The following CCSER2 variants were observed in gnomAD, a reference collection of about 807,000 sequenced individuals.
The protein encoded by CCSER2 is coiled-coil serine rich protein 2.
Under a neutral mutation model 92.3 loss-of-function variants are expected in CCSER2, and 46 were observed. The ratio of observed to expected loss-of-function variants is 0.50; its 90% CI spans 0.39 to 0.64. The LOEUF (loss-of-function observed/expected upper bound fraction) is 0.64, where lower values mean the gene tolerates loss of function less well. CCSER2 is among the 30% of genes least tolerant of loss of function. The probability of loss-of-function intolerance (pLI) is 0.00; values close to 1 mark genes in which losing one functional copy is unlikely to be tolerated. For missense variants in CCSER2, 1,244 were observed against 1,238.9 expected (o/e 1.00, Z -0.06); for synonymous variants, 433 against 431.4 (o/e 1.00, Z -0.04).
intron 6 of CCSER2, among the ~76,000 whole-genome samples, chr10:84,445,450 G>C (rs1288984924): frequency 6.6e-6 from 1 of 152,180 alleles, no homozygotes; most frequent in Non-Finnish European, 1.5e-5. Flanking sequence ...ACCGCACCTG[G>C]CCGGTATCTC....
At chr10:84,364,015 T>G (rs528684584) in intron 1 of CCSER2, among the ~76,000 whole-genome samples, 2 of 152,124 alleles carry the variant, frequency 1.3e-5, no homozygotes, top group African/African-American at 2.4e-5. Flanking sequence ...TGTAACACAA[T>G]GGTAAGGAAT....
At chr10:84,391,086 G>A (rs1452773543) in intron 3 of CCSER2, 2 of 780,022 alleles carry the variant, frequency 2.6e-6, no homozygotes, top group East Asian at 2.4e-5. Context: ...AGATGCTAAT[G>A]CCTCCACTGA....
intron 3 of CCSER2, among the ~76,000 whole-genome samples, chr10:84,386,266 A>G (rs7093846): frequency 0.21 from 31,914 of 152,236 alleles, 3,603 homozygotes; most frequent in Admixed American, 0.34. Context: ...AGAAGTTATT[A>G]TATCAAAATG....
intron 3 of CCSER2, among the ~76,000 whole-genome samples, chr10:84,405,115 G>T (rs1450184345): frequency 6.6e-6 from 1 of 152,058 alleles, no homozygotes; most frequent in Non-Finnish European, 1.5e-5. Flanking sequence ...ATTGACAAAG[G>T]GACAGTCAGG....
chr10:84,358,799 T>A (rs915607730), intron 1 of CCSER2, among the ~76,000 whole-genome samples: 1 of 152,106 alleles, frequency 6.6e-6, no homozygotes, highest in African/African-American at 2.4e-5. Flanking sequence ...AGAAGTTCAT[T>A]TATTTACAAA....
At chr10:84,349,493 C>A (rs1328160894) in intron 1 of CCSER2, among the ~76,000 whole-genome samples, 1 of 151,818 alleles carries the variant, frequency 6.6e-6, no homozygotes, top group Non-Finnish European at 1.5e-5. Flanking sequence ...ATACTGAGAC[C>A]ACACTCCCCC....
chr10:84,393,665 T>C (rs1353860399), intron 3 of CCSER2, among the ~76,000 whole-genome samples: 1 of 152,236 alleles, frequency 6.6e-6, no homozygotes, highest in Non-Finnish European at 1.5e-5. Flanking sequence ...TTTCTGTTAT[T>C]TTTCTCTACT....
At chr10:84,361,345 T>C (rs1340947384) in intron 1 of CCSER2, among the ~76,000 whole-genome samples, 1 of 152,256 alleles carries the variant, frequency 6.6e-6, no homozygotes, top group Admixed American at 6.5e-5. Context: ...CTTTGGAATT[T>C]GGTTGACTTG....
At chr10:84,439,777 A>C (rs1213042345) in intron 6 of CCSER2, among the ~76,000 whole-genome samples, 1 of 152,246 alleles carries the variant, frequency 6.6e-6, no homozygotes, top group Non-Finnish European at 1.5e-5. Flanking sequence ...CTCTTGAGGC[A>C]GAAATAAATT....
intron 1 of CCSER2, among the ~76,000 whole-genome samples, chr10:84,332,678 G>A (rs1254961032): frequency 6.6e-6 from 1 of 151,946 alleles, no homozygotes; most frequent in East Asian, 1.9e-4. Flanking sequence ...GTGGCTGGGT[G>A]TGGTGGATCA....
chr10:84,339,283 C>T (rs1844037021), intron 1 of CCSER2, among the ~76,000 whole-genome samples: 2 of 151,696 alleles, frequency 1.3e-5, no homozygotes, highest in South Asian at 2.1e-4. Flanking sequence ...GAATTATAGG[C>T]GTGAGCCACT....
intron 6 of CCSER2, among the ~76,000 whole-genome samples, 195 bp from the exon 7 acceptor site, chr10:84,463,738 T>C (rs1306833038): frequency 6.6e-6 from 1 of 152,246 alleles, no homozygotes; most frequent in African/African-American, 2.4e-5. Context: ...CTCCCTTTTT[T>C]CTTCTTCCAC....
chr10:84,512,367 AGT>A (rs141667701), intron 9 of CCSER2, among the ~76,000 whole-genome samples: 34,297 of 139,382 alleles, frequency 0.25, 4,929 homozygotes, highest in African/African-American at 0.41. Flanking sequence ...TTATTTAAAC[AGT>A]GTGTGTGTGT....
intron 6 of CCSER2, among the ~76,000 whole-genome samples, chr10:84,456,695 T>A (rs1652362504): frequency 6.6e-6 from 1 of 152,186 alleles, no homozygotes; most frequent in South Asian, 2.1e-4. Context: ...CATTTTGTAT[T>A]GCCACTAGCA....
intron 3 of CCSER2, among the ~76,000 whole-genome samples, chr10:84,398,554 A>G (rs1841960242): frequency 6.6e-6 from 1 of 152,228 alleles, no homozygotes; most frequent in Admixed American, 6.5e-5. Flanking sequence ...AAGGAGCTAC[A>G]TGCTTTCCTA....
chr10:84,422,420 G>A (rs1057396589), intron 4 of CCSER2, among the ~76,000 whole-genome samples: 1 of 152,172 alleles, frequency 6.6e-6, no homozygotes, highest in African/African-American at 2.4e-5. Context: ...TTATTTTTGA[G>A]CTTAAGGGTA....
chr10:84,382,161 T>C (rs868403341), intron 3 of CCSER2, among the ~76,000 whole-genome samples: 3 of 152,190 alleles, frequency 2.0e-5, no homozygotes, highest in Admixed American at 6.5e-5. Context: ...TGACTCCTTT[T>C]AGTGAATTTT....
At chr10:84,399,806 T>C (rs1201025992) in intron 3 of CCSER2, among the ~76,000 whole-genome samples, 1 of 151,428 alleles carries the variant, frequency 6.6e-6, no homozygotes, top group Non-Finnish European at 1.5e-5. Flanking sequence ...TTGGCCTTTT[T>C]TTTTTTTTTG....
intron 6 of CCSER2, 112 bp downstream of exon 6, chr10:84,438,819 T>G: frequency 1.5e-6 from 1 of 656,092 alleles, no homozygotes. Flanking sequence ...TTTAGATTTC[T>G]GTAGAATAAT....
Sources: allele counts gnomAD v4.1 joint callset (sites outside exome capture counted in the v4.1 genomes callset), GRCh38; gene constraint gnomAD v4.1.1; transcripts MANE v1.5; gene names NCBI Gene and HGNC (gene_info 2026-07-23, HGNC 2026-07-21).